KLHL2: variants seen among roughly 807,000 people sequenced by gnomAD.
KLHL2 encodes kelch like family member 2.
A neutral mutation model predicts 75.8 loss-of-function variants in KLHL2; 15 were observed. The observed-to-expected ratio is 0.20, with a 90% CI of 0.13 to 0.30. KLHL2 has a LOEUF of 0.30. Among genes scored for constraint, KLHL2 ranks in the 10% least tolerant of loss-of-function variants. The pLI is 1.00. For synonymous variants in KLHL2, 214 were observed against 251.9 expected (o/e 0.85, Z 1.42); for missense variants, 381 against 741.0 (o/e 0.51, Z 5.64).
intron 4 of KLHL2, chr4:165,240,270 G>A (rs1203646818): frequency 6.6e-6 from 1 of 152,206 alleles, no homozygotes; most frequent in Non-Finnish European, 1.5e-5. Flanking sequence ...TGCACAAATA[G>A]GAAGTTGTTG....
chr4:165,267,399 A>T (rs890057967), intron 5 of KLHL2, among the ~76,000 whole-genome samples: 3 of 152,146 alleles, frequency 2.0e-5, no homozygotes, highest in Non-Finnish European at 4.4e-5. Flanking sequence ...TGGTTTTCAA[A>T]GGGAACGCTT....
intron 4 of KLHL2, among the ~76,000 whole-genome samples, chr4:165,261,075 G>C (rs1741626028): frequency 6.6e-6 from 1 of 152,184 alleles, no homozygotes; most frequent in Non-Finnish European, 1.5e-5. Context: ...AGATTTCACA[G>C]AGATTGAATT....
intron 4 of KLHL2, among the ~76,000 whole-genome samples, chr4:165,248,424 A>G (rs28407421): frequency 0.082 from 12,543 of 152,194 alleles, 596 homozygotes; most frequent in Middle Eastern, 0.14. Flanking sequence ...TTGGCCAAGT[A>G]AAAAAAGTCA....
At chr4:165,311,040 G>T (rs533095373) in intron 10 of KLHL2, among the ~76,000 whole-genome samples, 56 of 151,994 alleles carry the variant, frequency 3.7e-4, no homozygotes, top group Non-Finnish European at 4.6e-4. Flanking sequence ...GTATTTTTTA[G>T]TAGAGACGGG....
chr4:165,266,315 TTTAG>T (rs1742238165), intron 5 of KLHL2, among the ~76,000 whole-genome samples: 2 of 152,212 alleles, frequency 1.3e-5, no homozygotes. Flanking sequence ...GCAGAAGCTC[TTTAG>T]TTTAATTAGA....
At chr4:165,243,508 T>G (rs1739987753) in intron 4 of KLHL2, among the ~76,000 whole-genome samples, 1 of 152,256 alleles carries the variant, frequency 6.6e-6, no homozygotes, top group African/African-American at 2.4e-5. Flanking sequence ...TCATGAAATA[T>G]ATGTTGGATG....
chr4:165,287,059 T>C (rs965191432), intron 5 of KLHL2, among the ~76,000 whole-genome samples: 1 of 152,188 alleles, frequency 6.6e-6, no homozygotes, highest in African/African-American at 2.4e-5. Context: ...CACTCAGTAG[T>C]GTCATGTATA....
intron 1 of KLHL2, among the ~76,000 whole-genome samples, chr4:165,217,109 T>G (rs1737599846): frequency 6.6e-6 from 1 of 152,200 alleles, no homozygotes; most frequent in African/African-American, 2.4e-5. Flanking sequence ...TTTCAAGCAT[T>G]GAAAATTCTT....
intron 2 of KLHL2, among the ~76,000 whole-genome samples, chr4:165,228,289 CT>C (rs2111033645): frequency 6.6e-6 from 1 of 152,184 alleles, no homozygotes; most frequent in East Asian, 1.9e-4. Context: ...TTAAGTTAAG[CT>C]TCAAATGTGC....
chr4:165,291,662 C>G (rs911541732), intron 5 of KLHL2, among the ~76,000 whole-genome samples: 1 of 152,044 alleles, frequency 6.6e-6, no homozygotes, highest in East Asian at 1.9e-4. Flanking sequence ...TTTCTGGGCT[C>G]TCTATTCTGT....
chr4:165,212,750 G>A (rs1737278609), intron 1 of KLHL2, among the ~76,000 whole-genome samples: 2 of 152,196 alleles, frequency 1.3e-5, no homozygotes, highest in Admixed American at 1.3e-4. Context: ...TAGAAAAAGT[G>A]GGATTCTAAT....
intron 7 of KLHL2, among the ~76,000 whole-genome samples, chr4:165,297,970 C>A (rs1745043243): frequency 1.4e-5 from 2 of 143,046 alleles, no homozygotes; most frequent in African/African-American, 5.0e-5. Flanking sequence ...ACTACAGGTG[C>A]ATGCTACAAC....
intron 9 of KLHL2, among the ~76,000 whole-genome samples, chr4:165,306,391 T>C (rs189445139): frequency 1.3e-5 from 2 of 152,356 alleles, no homozygotes; most frequent in Admixed American, 6.5e-5. Flanking sequence ...TAGTTTTTAC[T>C]AGTTTTTAAT....
At chr4:165,235,751 A>G (rs1011649113) in intron 3 of KLHL2, among the ~76,000 whole-genome samples, 7 of 152,006 alleles carry the variant, frequency 4.6e-5, no homozygotes, top group African/African-American at 1.4e-4. Flanking sequence ...ACTAACAGAT[A>G]AGGCTACCTA....
chr4:165,307,757 G>T (rs917324695), intron 9 of KLHL2, among the ~76,000 whole-genome samples: 1 of 152,108 alleles, frequency 6.6e-6, no homozygotes, highest in African/African-American at 2.4e-5. Context: ...GGTGGTATCT[G>T]CCAGGTTTCT....
chr4:165,313,760 T>C (rs1431420067), intron 12 of KLHL2, among the ~76,000 whole-genome samples: 2 of 152,158 alleles, frequency 1.3e-5, no homozygotes, highest in Admixed American at 6.5e-5. Flanking sequence ...AAGGACTTTT[T>C]CCCTCCCTGT....
At chr4:165,221,475 A>G (rs1486189741) in intron 2 of KLHL2, among the ~76,000 whole-genome samples, 1 of 152,192 alleles carries the variant, frequency 6.6e-6, no homozygotes, top group African/African-American at 2.4e-5. Context: ...AGCTGGCCTC[A>G]TCGGAGGAAC....
chr4:165,289,732 A>G (rs989555256), intron 5 of KLHL2, among the ~76,000 whole-genome samples: 2 of 152,128 alleles, frequency 1.3e-5, no homozygotes, highest in African/African-American at 4.8e-5. Flanking sequence ...CTGACTTTTA[A>G]AAAATCACCA....
At chr4:165,321,976 A>C in intron 14 of KLHL2, 56 bp from the exon 15 acceptor site, 1 of 1,502,870 alleles carries the variant, frequency 6.7e-7, no homozygotes, top group Non-Finnish European at 9.3e-7. Context: ...GTGTTTTCTC[A>C]GAGATACAGA....
Sources: allele counts gnomAD v4.1 joint callset (sites outside exome capture counted in the v4.1 genomes callset), GRCh38; gene constraint gnomAD v4.1.1; transcripts MANE v1.5; gene names NCBI Gene and HGNC (gene_info 2026-07-23, HGNC 2026-07-21).